The following CCDC178 variants were observed in gnomAD, a reference collection of about 807,000 sequenced individuals.
The protein encoded by CCDC178 is coiled-coil domain containing 178.
In CCDC178, 126 loss-of-function variants were observed where a neutral mutation model predicts 117.4. The observed-to-expected ratio is 1.07, with a 90% confidence interval of 0.93 to 1.24. The LOEUF (loss-of-function observed/expected upper bound fraction) is 1.24. Ranked by LOEUF, CCDC178 falls within the 50% of genes most tolerant of loss-of-function variation. The pLI is 0.00. For missense variants in CCDC178, 1,030 were observed against 986.9 expected, an observed-to-expected ratio of 1.04 and a Z score of -0.59; for synonymous variants, 283 against 313.4, an observed-to-expected ratio of 0.90 and a Z score of 1.02.
intron 10 of CCDC178, among the ~76,000 whole-genome samples, chr18:33,328,839 G>A (rs1043786446): frequency 5.9e-5 from 9 of 152,058 alleles, no homozygotes; most frequent in African/African-American, 2.2e-4. Flanking sequence ...TTCTGCAAAA[G>A]ATCATTGAGC....
chr18:33,160,414 C>A (rs1234103684), intron 20 of CCDC178, among the ~76,000 whole-genome samples: 3 of 152,054 alleles, frequency 2.0e-5, no homozygotes, highest in African/African-American at 4.8e-5. Flanking sequence ...GCCTATACTG[C>A]AAACCACTAC....
intron 21 of CCDC178, among the ~76,000 whole-genome samples, chr18:33,003,559 A>G (rs2144777180): frequency 6.6e-6 from 1 of 152,286 alleles, no homozygotes; most frequent in East Asian, 1.9e-4. Flanking sequence ...GCCATATGCA[A>G]TAGATCCAAA....
Position 32,937,964 on chromosome 18 carries a change from CT to C in CCDC178, c.*46del. 7.1e-7 allele frequency: 1 copy of C among 1,416,690 alleles called. No individual in the cohort carries two copies. 87.8% of individuals were successfully genotyped at this position (1,416,690 alleles called of 1,614,324 possible). On this transcript the variant is annotated 3_prime_UTR_variant, in exon 23 of 23. Transcript: ENST00000383096. ...TTACACTGTTATCTGAACTGTGTGA[CT>C]TTTCTTGTCTTTTATTTCAGCATCC...
intron 2 of CCDC178, among the ~76,000 whole-genome samples, chr18:33,415,133 G>T (rs1568212140): frequency 6.6e-6 from 1 of 152,212 alleles, no homozygotes; most frequent in Non-Finnish European, 1.5e-5. Context: ...CATTGTGGAA[G>T]ATAGCGTGGT....
intron 3 of CCDC178, among the ~76,000 whole-genome samples, chr18:33,406,452 A>G: frequency 6.6e-6 from 1 of 152,078 alleles, no homozygotes; most frequent in East Asian, 1.9e-4. Flanking sequence ...TATATAAAAT[A>G]ATAGTATTAC....
At chr18:33,278,971 A>G (rs1032696117) in intron 12 of CCDC178, among the ~76,000 whole-genome samples, 2 of 152,138 alleles carry the variant, frequency 1.3e-5, no homozygotes, top group Non-Finnish European at 2.9e-5. Flanking sequence ...AATAAGAGCT[A>G]TCTATGACAA....
intron 4 of CCDC178, among the ~76,000 whole-genome samples, chr18:33,391,395 G>T (rs1398752370): frequency 6.6e-6 from 1 of 151,954 alleles, no homozygotes; most frequent in Admixed American, 6.6e-5. Flanking sequence ...ATTCATCTGT[G>T]GCATATGAAG....
chr18:33,144,506 T>G (rs919869973), intron 20 of CCDC178, among the ~76,000 whole-genome samples: 7 of 152,126 alleles, frequency 4.6e-5, no homozygotes, highest in Non-Finnish European at 7.4e-5. Context: ...GCAGCTCGAT[T>G]CAATGAATAG....
In CCDC178 at chr18:32,983,428, C is replaced by G. The variant is rs944048820; in HGVS notation, c.2389-8747G>C. ...CGTATTTCCTATCTACAAACACAGT[C>G]AAACAAATAGTACAACTGTAGAAGC... On this transcript the variant is annotated intron_variant, in intron 21 of 22. Coordinates refer to ENST00000383096, the MANE Select transcript of CCDC178 (RefSeq NM_001105528.4). The G allele has an allele frequency of 2.3e-5, 19 of 822,502 alleles. No individual in the cohort carries two copies. In the African/African-American group the frequency reaches 2.6e-4, roughly 11 times the overall value. The allele number at this position is 822,502 out of a possible 1,614,324, so 51.0% of individuals were successfully genotyped here. A position where few individuals can be genotyped will look rare whatever the true frequency, so the allele number is the denominator to read the frequency against.
chr18:33,429,877 T>C (rs1021697675), intron 2 of CCDC178, among the ~76,000 whole-genome samples: 2 of 152,150 alleles, frequency 1.3e-5, no homozygotes, highest in Non-Finnish European at 2.9e-5. Flanking sequence ...CTGTTAAAGG[T>C]AGATGATATA....
At position 33,172,394 on chromosome 18, in the gene CCDC178, C is replaced by G. The variant is rs271464; in HGVS notation, c.2238+39502G>C. 5.9e-5 allele frequency among the ~76,000 whole-genome samples: 9 copies of G among 151,508 alleles called. No homozygotes were observed. The East Asian group carries it at 1.7e-3, about 29-fold the overall frequency. On this transcript the variant is annotated intron_variant, in intron 20 of 22. Coordinates refer to ENST00000383096, the MANE Select transcript of CCDC178 (RefSeq NM_001105528.4). ...ATATATTTAGAGTTAAATAAATATA[C>G]GTAAAATGAATTTTTAAATGTAAAA...
At chr18:33,095,525 C>T (rs1198843210) in intron 20 of CCDC178, among the ~76,000 whole-genome samples, 2 of 151,876 alleles carry the variant, frequency 1.3e-5, no homozygotes, top group African/African-American at 2.4e-5. Context: ...AGGGATGAGA[C>T]CATCATTTTG....
chr18:33,235,346 A>G (rs1234690703), intron 15 of CCDC178, among the ~76,000 whole-genome samples: 1 of 152,128 alleles, frequency 6.6e-6, no homozygotes, highest in Non-Finnish European at 1.5e-5. Context: ...GTTGGTCACA[A>G]TGTAAGTCTA....
chr18:33,386,954 T>C (rs1408091615), intron 5 of CCDC178, among the ~76,000 whole-genome samples: 4 of 152,140 alleles, frequency 2.6e-5, no homozygotes, highest in African/African-American at 4.8e-5. Flanking sequence ...CATGATCCTT[T>C]ATCTAGAAAA....
intron 21 of CCDC178, among the ~76,000 whole-genome samples, chr18:33,053,833 C>A (rs930788781): frequency 6.6e-6 from 1 of 152,072 alleles, no homozygotes; most frequent in African/African-American, 2.4e-5. Context: ...CTGGGTAACA[C>A]TTTATGACAA....
intron 2 of CCDC178, among the ~76,000 whole-genome samples, chr18:33,415,568 G>A (rs1483388443): frequency 1.3e-5 from 2 of 151,590 alleles, no homozygotes; most frequent in Non-Finnish European, 2.9e-5. Flanking sequence ...GGGGGATGGG[G>A]GATAGCATTA....
intron 5 of CCDC178, among the ~76,000 whole-genome samples, 167 bp from the exon 6 acceptor site, chr18:33,370,356 C>T (rs1028246957): frequency 2.0e-5 from 3 of 151,748 alleles, no homozygotes; most frequent in Non-Finnish European, 2.9e-5. Flanking sequence ...CTTTAAAAAA[C>T]GTACAAGCTA....
intron 6 of CCDC178, among the ~76,000 whole-genome samples, chr18:33,364,147 TCCCAG>T (rs2144737932): frequency 6.6e-6 from 1 of 152,128 alleles, no homozygotes; most frequent in South Asian, 2.1e-4. Context: ...ACATGATTGG[TCCCAG>T]GCAAGAACCA....
chr18:33,348,349 C>T (rs1390160243), intron 8 of CCDC178, among the ~76,000 whole-genome samples: 1 of 151,326 alleles, frequency 6.6e-6, no homozygotes, highest in Non-Finnish European at 1.5e-5. Flanking sequence ...AATTTTATAC[C>T]TGTATATAAA....
Sources: gnomAD v4.1 joint callset for allele counts (sites outside exome capture counted in the v4.1 genomes callset) on GRCh38, gnomAD v4.1.1 for gene constraint, MANE v1.5 for transcripts, NCBI Gene and HGNC (gene_info 2026-07-23, HGNC 2026-07-21) for gene names.